Variants in CFAP61 observed in about 807,000 individuals in gnomAD.
The protein encoded by CFAP61 is cilia- and flagella-associated protein 61.
A neutral mutation model predicts 135.6 loss-of-function variants in CFAP61; 107 were observed. That is an observed-to-expected ratio of 0.79 (90% CI 0.67 to 0.93). CFAP61 has a LOEUF of 0.93. CFAP61 is among the 40% of genes least tolerant of loss of function. CFAP61 has a pLI of 0.00. For synonymous variants in CFAP61, 575 were observed against 578.5 expected, an observed-to-expected ratio of 0.99 and a Z score of 0.09; for missense variants, 1,507 against 1,556.2, an observed-to-expected ratio of 0.97 and a Z score of 0.53.
At position 20,360,534 on chromosome 20, in the gene CFAP61, C is replaced by A; in HGVS notation, c.*124C>A. 1 of 792,086 alleles carries A rather than the reference C, an allele frequency of 1.3e-6. No individual in the cohort carries two copies. Among genetic ancestry groups the A allele is most frequent in the South Asian group, 1.7e-5 (1 of 57,932 alleles). 49.1% of individuals were successfully genotyped at this position (792,086 alleles called of 1,614,324 possible). On this transcript the variant is annotated 3_prime_UTR_variant, in exon 27 of 27. Transcript: ENST00000245957. ...GAAGCCAGCCCCTGGTGGTTTTGTT[C>A]ATTCCTTTCCTTCCCTGACTTATGC...
Position 20,249,027 on chromosome 20 carries a change from C to G in CFAP61, c.2160-2568C>G, listed in dbSNP as rs542515567. 2.0e-5 allele frequency among the ~76,000 whole-genome samples: 3 copies of G among 152,330 alleles called. No homozygotes were observed. The East Asian group carries it at 5.8e-4, about 29-fold the overall frequency. ...TGATGTGCCTCCTTTGGTTCCTTCT[C>G]TGTTTTCGGATGAAGCCTAGTGGAG... is the stretch of plus-strand genomic sequence containing the variant. On this transcript the variant is annotated intron_variant, in intron 19 of 26. Transcript: ENST00000245957.
At position 20,058,673 on chromosome 20, in the gene CFAP61, A is replaced by G. The variant is rs111684877; in HGVS notation, c.143+1877A>G. Among the ~76,000 whole-genome samples the G allele has an allele frequency of 8.1e-4, 124 of 152,362 alleles. 2 individuals are homozygous for G. The highest frequency in any genetic ancestry group is 3.0e-3 in the African/African-American group (124 of 41,592). ...AAGTCTCTTCTGAGAATTCATAAGC[A>G]CACACTGATTTGAGATCCATGTTAA... On this transcript the variant is annotated intron_variant, in intron 2 of 26. Transcript: ENST00000245957.
intron 8 of CFAP61, among the ~76,000 whole-genome samples, chr20:20,137,189 A>G (rs1172412335): frequency 6.6e-6 from 1 of 152,176 alleles, no homozygotes; most frequent in Non-Finnish European, 1.5e-5. Context: ...CACCACTGTG[A>G]CTGCAAAGGG....
intron 26 of CFAP61, among the ~76,000 whole-genome samples, chr20:20,355,446 GTGAGGGGAGGTGGTCACAC>G (rs2059067604): frequency 2.7e-5 from 1 of 37,694 alleles, no homozygotes. Context: ...TGGTCACACT[GTGAGGGGAGGTGGTCACAC>G]TGAGGGGAGG....
intron 26 of CFAP61, among the ~76,000 whole-genome samples, chr20:20,343,788 G>A (rs1236852924): frequency 6.6e-6 from 1 of 152,154 alleles, no homozygotes; most frequent in East Asian, 1.9e-4. Context: ...AAAGCCAGGG[G>A]GTTTTAGTCT....
At chr20:20,106,010 A>ATATATATG (rs2048368824) in intron 8 of CFAP61, among the ~76,000 whole-genome samples, 1 of 25,480 alleles carries the variant, frequency 3.9e-5, no homozygotes, top group Admixed American at 3.8e-4. Context: ...CTATATATAT[A>ATATATATG]TATATATATA....
chr20:20,193,607 T>A (rs531082687), intron 15 of CFAP61, among the ~76,000 whole-genome samples: 1 of 152,034 alleles, frequency 6.6e-6, no homozygotes, highest in East Asian at 1.9e-4. Context: ...TTCAAATTAT[T>A]ATAATAATTA....
intron 9 of CFAP61, among the ~76,000 whole-genome samples, chr20:20,155,922 T>A (rs1350546414): frequency 1.3e-5 from 2 of 152,170 alleles, no homozygotes; most frequent in East Asian, 3.8e-4. Flanking sequence ...CTACTGGGTG[T>A]CTACCGAGTG....
At chr20:20,259,422 ATTT>A (rs11480895) in intron 20 of CFAP61, among the ~76,000 whole-genome samples, 4 of 135,616 alleles carry the variant, frequency 2.9e-5, no homozygotes, top group Admixed American at 7.4e-5. Flanking sequence ...AACCCAGCTA[ATTT>A]TTTTTTTTTT....
chr20:20,200,810 C>G (rs1159700916), intron 17 of CFAP61: 3 of 985,264 alleles, frequency 3.0e-6, no homozygotes, highest in Non-Finnish European at 3.6e-6. Flanking sequence ...GGACATCACC[C>G]GACCCAGAGC....
intron 8 of CFAP61, among the ~76,000 whole-genome samples, chr20:20,106,200 C>T (rs1220895447): frequency 6.6e-6 from 1 of 151,940 alleles, no homozygotes; most frequent in Non-Finnish European, 1.5e-5. Context: ...AGCCCCTGGA[C>T]TGGTAGGATA....
At chr20:20,128,265 T>G (rs1199323197) in intron 8 of CFAP61, among the ~76,000 whole-genome samples, 1 of 151,636 alleles carries the variant, frequency 6.6e-6, no homozygotes, top group East Asian at 1.9e-4. Flanking sequence ...CCCCGTGGTG[T>G]TTTTCCCCAC....
At chr20:20,335,155 G>C (rs1413517533) in intron 25 of CFAP61, among the ~76,000 whole-genome samples, 11 of 152,236 alleles carry the variant, frequency 7.2e-5, no homozygotes, top group Admixed American at 7.2e-4. Context: ...CTTGGAGGTA[G>C]AAGTCACACA....
At chr20:20,324,552 AT>A in intron 25 of CFAP61, among the ~76,000 whole-genome samples, 1 of 152,144 alleles carries the variant, frequency 6.6e-6, no homozygotes, top group Non-Finnish European at 1.5e-5. Flanking sequence ...TTGTCCTGGC[AT>A]TGTATATAAT....
intron 3 of CFAP61, among the ~76,000 whole-genome samples, chr20:20,073,652 G>A (rs1217135775): frequency 1.3e-5 from 2 of 152,114 alleles, no homozygotes; most frequent in Non-Finnish European, 2.9e-5. Flanking sequence ...CATTATTTAG[G>A]CCACTTTAAA....
intron 6 of CFAP61, among the ~76,000 whole-genome samples, chr20:20,083,400 G>C (rs1456671695): frequency 6.6e-6 from 1 of 152,114 alleles, no homozygotes; most frequent in Non-Finnish European, 1.5e-5. Flanking sequence ...AGTGTACACT[G>C]CTCAGGTGAT....
intron 9 of CFAP61, among the ~76,000 whole-genome samples, chr20:20,143,657 G>A (rs905685742): frequency 6.6e-6 from 1 of 152,218 alleles, no homozygotes; most frequent in Non-Finnish European, 1.5e-5. Context: ...TCCTGTGGCT[G>A]CCCCAGTTGT....
intron 26 of CFAP61, among the ~76,000 whole-genome samples, chr20:20,354,322 T>G (rs1430852167): frequency 1.3e-5 from 2 of 151,926 alleles, no homozygotes; most frequent in African/African-American, 2.4e-5. Flanking sequence ...GCAAACATGG[T>G]GAAACCTCGT....
intron 25 of CFAP61, among the ~76,000 whole-genome samples, chr20:20,328,012 T>A (rs1380809977): frequency 2.6e-5 from 4 of 152,120 alleles, no homozygotes; most frequent in African/African-American, 9.7e-5. Flanking sequence ...TTCTCTCCAG[T>A]CAGAATCCAT....
Sources: allele counts gnomAD v4.1 joint callset (sites outside exome capture counted in the v4.1 genomes callset), GRCh38; gene constraint gnomAD v4.1.1; transcripts MANE v1.5; gene names NCBI Gene and HGNC (gene_info 2026-07-23, HGNC 2026-07-21).